Variants in SMG7 observed in about 807,000 individuals in gnomAD.
SMG7 encodes the protein nonsense-mediated mRNA decay factor SMG7.
Under a neutral mutation model 148.2 loss-of-function variants are expected in SMG7, and 34 were observed. The ratio of observed to expected loss-of-function variants is 0.23; its 90% CI spans 0.17 to 0.31. SMG7 has a LOEUF of 0.31. Among genes scored for constraint, SMG7 ranks in the 10% least tolerant of loss-of-function variants. The probability of loss-of-function intolerance (pLI) is 1.00; values close to 1 mark genes in which losing one functional copy is unlikely to be tolerated. For synonymous variants in SMG7, 492 were observed against 515.1 expected (o/e 0.96, Z 0.61); for missense variants, 1,114 against 1,408.4 (o/e 0.79, Z 3.35).
chr1:183,505,920 G>A (rs1660789100), intron 1 of SMG7, among the ~76,000 whole-genome samples: 1 of 152,146 alleles, frequency 6.6e-6, no homozygotes, highest in South Asian at 2.1e-4. Flanking sequence ...TTTCTAAAAT[G>A]TAAATCTAAC....
At chr1:183,492,462 C>T (rs1249112183) in intron 1 of SMG7, among the ~76,000 whole-genome samples, 1 of 152,190 alleles carries the variant, frequency 6.6e-6, no homozygotes, top group Non-Finnish European at 1.5e-5. Context: ...GACCACAACT[C>T]TCTAGTAAGT....
rs1671220607 is a variant in SMG7 at position 183,552,470 on chromosome 1, C to G, written c.*539C>G. 2.0e-6 allele frequency: 2 copies of G among 994,488 alleles called. No homozygotes were observed. The highest frequency in any genetic ancestry group is 2.4e-6 in the Non-Finnish European group (2 of 835,084). 61.6% of individuals were successfully genotyped at this position (994,488 alleles called of 1,614,324 possible). A position where few individuals can be genotyped will look rare whatever the true frequency, so the allele number is the denominator to read the frequency against. The stretch of plus-strand genomic sequence containing the variant: ...AGGTGTGCTTCTAGTCAGTGTGTAG[C>G]AAGGAAAGCCCCGTTCACTGCTCCT... On this transcript the variant is annotated 3_prime_UTR_variant, in exon 23 of 23. Transcript: ENST00000688051.
intron 1 of SMG7, among the ~76,000 whole-genome samples, chr1:183,493,155 T>A (rs1657490964): frequency 6.6e-6 from 1 of 151,832 alleles, no homozygotes; most frequent in African/African-American, 2.4e-5. Context: ...CAAACTTTTT[T>A]ATAAAGATAG....
chr1:183,511,468 T>A (rs1428171408), intron 1 of SMG7, among the ~76,000 whole-genome samples: 1 of 151,846 alleles, frequency 6.6e-6, no homozygotes, highest in Admixed American at 6.6e-5. Flanking sequence ...GCTAGCAGAG[T>A]CTTTTATAAA....
chr1:183,477,160 C>T (rs574069547), intron 1 of SMG7, among the ~76,000 whole-genome samples: 3 of 152,304 alleles, frequency 2.0e-5, no homozygotes, highest in African/African-American at 7.2e-5. Flanking sequence ...ACCAGTCAAA[C>T]AGGTCAAATC....
chr1:183,502,202 G>A (rs752050894), intron 1 of SMG7: 108 of 1,208,078 alleles, frequency 8.9e-5, no homozygotes, highest in Non-Finnish European at 1.1e-4. Flanking sequence ...CTTCATAGGG[G>A]TTCTCTGTTA....
rs557780579 is a variant in SMG7 at position 183,478,591 on chromosome 1, A to T, written c.29+5942A>T. The stretch of plus-strand genomic sequence containing the variant: ...GTAGAAGAAGCAATTGCTGAGTTTT[A>T]TGTTGTTGTTTTTAATGGATGTGTT... On this transcript the variant is annotated intron_variant, in intron 1 of 22. Transcript: ENST00000688051. 5.3e-5 allele frequency among the ~76,000 whole-genome samples: 8 copies of T among 152,146 alleles called. No homozygotes were observed. In the East Asian group the frequency reaches 1.5e-3, roughly 29 times the overall value.
At chr1:183,512,457 T>C (rs573260817) in intron 1 of SMG7, among the ~76,000 whole-genome samples, 35 of 152,260 alleles carry the variant, frequency 2.3e-4, no homozygotes, top group Non-Finnish European at 2.8e-4. Context: ...GAAATAGTTA[T>C]GGTGACTAGT....
rs969512049 is a variant in SMG7 at position 183,472,549 on chromosome 1, C to T, written c.-72C>T. 3.0e-6 allele frequency: 4 copies of T among 1,338,132 alleles called. No homozygotes were observed. The highest frequency in any genetic ancestry group is 1.7e-5 in the South Asian group (1 of 57,194). The allele number at this position is 1,338,132 out of a possible 1,614,324, so 82.9% of individuals were successfully genotyped here. A position where few individuals can be genotyped will look rare whatever the true frequency, so the allele number is the denominator to read the frequency against. ...CGGCGGCCGCCAGCACCCGCGGTGC[C>T]GCGGGGCCGCTCCGAGGAGCCTGAG... On this transcript the variant is annotated 5_prime_UTR_variant, in exon 1 of 23. Coordinates refer to ENST00000688051, the MANE Select transcript of SMG7 (RefSeq NM_001375584.1).
chr1:183,480,274 A>T (rs1653733836), intron 1 of SMG7, among the ~76,000 whole-genome samples: 1 of 151,824 alleles, frequency 6.6e-6, no homozygotes. Flanking sequence ...GGCCTTCCTG[A>T]TCTGATTTTT....
In SMG7 at chr1:183,476,720, A is replaced by G. The variant is rs1571708346; in HGVS notation, c.29+4071A>G. 2.0e-5 allele frequency among the ~76,000 whole-genome samples: 3 copies of G among 152,248 alleles called. No individual in the cohort carries two copies. In the East Asian group the frequency reaches 5.8e-4, roughly 29 times the overall value. ...TTTTAATACACTGACAAGACTTCTA[A>G]GAGAATCAGTTAAGTTGAAAATACT... On this transcript the variant is annotated intron_variant, in intron 1 of 22. Transcript: ENST00000688051.
At chr1:183,525,995 G>A (rs925619550) in intron 4 of SMG7, among the ~76,000 whole-genome samples, 4 of 151,756 alleles carry the variant, frequency 2.6e-5, no homozygotes, top group African/African-American at 4.8e-5. Flanking sequence ...TCTGAAAATC[G>A]TGTCTGAAAA....
intron 13 of SMG7, 141 bp downstream of exon 13, chr1:183,541,244 T>A: frequency 1.4e-6 from 1 of 710,866 alleles, no homozygotes. Context: ...CATGAACTCT[T>A]AAATCGACAT....
chr1:183,549,695 C>G, intron 19 of SMG7, 69 bp from the exon 20 acceptor site: 1 of 1,306,560 alleles, frequency 7.7e-7, no homozygotes, highest in Non-Finnish European at 1.1e-6. Context: ...CATCCATGAA[C>G]AAGACATTGG....
In SMG7 at chr1:183,553,505, G is replaced by C; in HGVS notation, c.*1574G>C. On this transcript the variant is annotated 3_prime_UTR_variant, in exon 23 of 23. Transcript: ENST00000688051. ...TTAAGAGCTGGAAGACAGCTGTAGAGCAAAGCACATCCAGGAGCCCCAGTT... is the reference window on the plus strand; with the variant it reads ...TTAAGAGCTGGAAGACAGCTGTAGACCAAAGCACATCCAGGAGCCCCAGTT... 1 of 302,120 alleles carries C rather than the reference G, an allele frequency of 3.3e-6. No homozygotes were observed. 18.7% of individuals were successfully genotyped at this position (302,120 alleles called of 1,614,324 possible). A position where few individuals can be genotyped will look rare whatever the true frequency, so the allele number is the denominator to read the frequency against.
chr1:183,530,514 A>G (rs112028779), intron 8 of SMG7, among the ~76,000 whole-genome samples: 1,898 of 152,266 alleles, frequency 0.012, 19 homozygotes, highest in Non-Finnish European at 0.021. Flanking sequence ...GGTGTGTGAA[A>G]GGAACAGCTA....
In SMG7 at chr1:183,497,673, G is replaced by A. The variant is rs572511002; in HGVS notation, c.30-15164G>A. Among the ~76,000 whole-genome samples, 5 of 152,154 alleles carry A rather than the reference G, an allele frequency of 3.3e-5. No homozygotes were observed. In the South Asian group the frequency reaches 1.0e-3, roughly 32 times the overall value. On this transcript the variant is annotated intron_variant, in intron 1 of 22. Transcript: ENST00000688051. ...CAACCTCTGCCTCCCCGGTTCATGC[G>A]ATTCTCCTGCCTCAGCCTCTGGAGT...
At chr1:183,549,344 C>A in intron 19 of SMG7, 56 bp downstream of exon 19, 3 of 1,174,170 alleles carry the variant, frequency 2.6e-6, no homozygotes, top group Non-Finnish European at 3.8e-6. Context: ...TGATCATTGT[C>A]TTTCTCATAC....
intron 11 of SMG7, among the ~76,000 whole-genome samples, chr1:183,537,544 C>T (rs754897942): frequency 6.6e-6 from 1 of 152,062 alleles, no homozygotes; most frequent in Non-Finnish European, 1.5e-5. Context: ...ACTTACTCAT[C>T]GTAGAAAATT....
Sources: allele counts gnomAD v4.1 joint callset (sites outside exome capture counted in the v4.1 genomes callset), GRCh38; gene constraint gnomAD v4.1.1; transcripts MANE v1.5; gene names NCBI Gene and HGNC (gene_info 2026-07-23, HGNC 2026-07-21).